CTNND2: variants seen among roughly 807,000 people sequenced by gnomAD.
CTNND2 encodes catenin delta 2.
A neutral mutation model predicts 144.4 loss-of-function variants in CTNND2; 22 were observed. The ratio of observed to expected loss-of-function variants is 0.15; its 90% CI spans 0.11 to 0.22. The LOEUF (loss-of-function observed/expected upper bound fraction) is 0.22, where lower values mean the gene tolerates loss of function less well. Ranked by LOEUF, CTNND2 falls within the 10% of genes least tolerant of loss-of-function variation. CTNND2 has a pLI of 1.00. For synonymous variants in CTNND2, 751 were observed against 695.6 expected (o/e 1.08, Z -1.25); for missense variants, 1,353 against 1,618.8 (o/e 0.84, Z 2.82).
rs547036682 is a variant in CTNND2 at position 11,015,049 on chromosome 5, T to C, written c.3084+2925A>G. Among the ~76,000 whole-genome samples the C allele has an allele frequency of 3.3e-5, 5 of 152,352 alleles. No homozygotes were observed. In the South Asian group the frequency reaches 1.0e-3, roughly 32 times the overall value. On this transcript the variant is annotated intron_variant, in intron 18 of 21. Transcript: ENST00000304623. ...CTTTACCCCTAGTACCTCCTTCCCA[T>C]ATCTTATGTTTTCCTTTGGAACGCT...
chr5:11,476,927 T>C lies in CTNND2; in HGVS notation c.288-64858A>G, dbSNP rs976494328. Among the ~76,000 whole-genome samples the C allele has an allele frequency of 9.9e-5, 15 of 152,188 alleles. 1 individual carries two copies. In the East Asian group the frequency reaches 2.9e-3, roughly 29 times the overall value. On this transcript the variant is annotated intron_variant, in intron 3 of 21. Coordinates refer to ENST00000304623, the MANE Select transcript of CTNND2 (RefSeq NM_001332.4). The stretch of plus-strand genomic sequence containing the variant: ...TAGGTCTCTGTTATCTTTGAATTAT[T>C]TGCCAGAAGTAAAACACCTCCCTTT...
At chr5:11,293,617 T>C (rs1748592872) in intron 9 of CTNND2, among the ~76,000 whole-genome samples, 1 of 151,742 alleles carries the variant, frequency 6.6e-6, no homozygotes, top group Non-Finnish European at 1.5e-5. Context: ...AACATTTCGT[T>C]CACAGTTTAT....
At chr5:11,423,999 G>A (rs1762572536) in intron 3 of CTNND2, among the ~76,000 whole-genome samples, 1 of 152,072 alleles carries the variant, frequency 6.6e-6, no homozygotes, top group Non-Finnish European at 1.5e-5. Context: ...ACAATTTTTT[G>A]TGGTGTTATA....
chr5:11,133,414 G>A lies in CTNND2; in HGVS notation c.2160-15847C>T, dbSNP rs187777728. Among the ~76,000 whole-genome samples the A allele has an allele frequency of 2.8e-4, 42 of 152,068 alleles. 1 individual carries two copies. On this transcript the variant is annotated intron_variant, in intron 12 of 21. Coordinates refer to ENST00000304623, the MANE Select transcript of CTNND2 (RefSeq NM_001332.4). ...GTTGCCCAGGCTGGAGTGCAATGAT[G>A]CGATCTTGGCTCACTGCAACCTCTG...
chr5:11,034,241 A>G (rs566409965), intron 16 of CTNND2, among the ~76,000 whole-genome samples: 4 of 152,226 alleles, frequency 2.6e-5, no homozygotes, highest in Non-Finnish European at 5.9e-5. Flanking sequence ...TAATAATACG[A>G]ATTTTTAAGA....
At chr5:11,656,930 CGTATCATTCAACAAACGCTCTAA>C (rs1246779800) in intron 2 of CTNND2, among the ~76,000 whole-genome samples, 1 of 152,038 alleles carries the variant, frequency 6.6e-6, no homozygotes, top group Non-Finnish European at 1.5e-5. Context: ...TGGCCCTCTG[CGTATCATTCAACAAACGCTCTAA>C]GGGCTTTGAG....
intron 2 of CTNND2, among the ~76,000 whole-genome samples, chr5:11,646,245 A>AGGC (rs1782341736): frequency 6.6e-6 from 1 of 152,194 alleles, no homozygotes; most frequent in African/African-American, 2.4e-5. Flanking sequence ...TGCTGTGCTT[A>AGGC]GAGTCTTATG....
At position 11,385,162 on chromosome 5, in the gene CTNND2, C is replaced by G; in HGVS notation, c.680G>C (p.Arg227Pro). ...EPAPPPPPPP[R>P]EPFAPSLGSA... ...GCCCAGGCTGGGCGCGAACGGCTCCCGCGGCGGCGGCGGCGGCGGCGGCGC... is the reference window on the plus strand; with the variant it reads ...GCCCAGGCTGGGCGCGAACGGCTCCGGCGGCGGCGGCGGCGGCGGCGGCGC... Residue 227 changes from arginine (R) to proline (P), a missense_variant, in exon 7 of 22, where the codon CGG (arginine) becomes CCG (proline). By Grantham distance (103) the Arg-to-Pro change is moderately radical (BLOSUM62 -2). Around this residue, in one of 4 missense-constraint regions of CTNND2, gnomAD observed 708 missense variants for 706.4 expected, o/e 1.00. Coordinates refer to ENST00000304623, the MANE Select transcript of CTNND2 (RefSeq NM_001332.4). 1 of 1,013,284 alleles carries G rather than the reference C, an allele frequency of 9.9e-7. No individual in the cohort carries two copies. Among genetic ancestry groups the G allele is most frequent in the Non-Finnish European group, 1.2e-6 (1 of 851,180 alleles). 62.8% of individuals were successfully genotyped at this position (1,013,284 alleles called of 1,614,324 possible).
At chr5:11,607,815 T>C (rs1176722127) in intron 2 of CTNND2, among the ~76,000 whole-genome samples, 1 of 152,116 alleles carries the variant, frequency 6.6e-6, no homozygotes, top group Non-Finnish European at 1.5e-5. Flanking sequence ...TCAAACCACA[T>C]CCAACTTTAA....
At chr5:10,983,196 G>A (rs1034852540) in intron 20 of CTNND2, among the ~76,000 whole-genome samples, 3 of 151,966 alleles carry the variant, frequency 2.0e-5, no homozygotes, top group Admixed American at 1.3e-4. Context: ...TTAAGGTGAT[G>A]GTATCTCATT....
intron 2 of CTNND2, among the ~76,000 whole-genome samples, chr5:11,667,701 C>T (rs1207725818): frequency 6.6e-6 from 1 of 152,144 alleles, no homozygotes; most frequent in African/African-American, 2.4e-5. Flanking sequence ...AAAATTTTCT[C>T]CCATTCTGTA....
At chr5:11,338,728 G>A (rs1458702616) in intron 9 of CTNND2, among the ~76,000 whole-genome samples, 2 of 152,134 alleles carry the variant, frequency 1.3e-5, no homozygotes, top group Admixed American at 6.5e-5. Context: ...GAATGCAATT[G>A]TTTATTATAA....
At chr5:11,190,455 T>C (rs1736127661) in intron 11 of CTNND2, among the ~76,000 whole-genome samples, 1 of 152,206 alleles carries the variant, frequency 6.6e-6, no homozygotes, top group Non-Finnish European at 1.5e-5. Context: ...TGTGCCATGG[T>C]AGATAAGTCT....
At chr5:11,376,256 C>T (rs1757922227) in intron 7 of CTNND2, among the ~76,000 whole-genome samples, 1 of 151,052 alleles carries the variant, frequency 6.6e-6, no homozygotes, top group African/African-American at 2.5e-5. Flanking sequence ...ATGGAAAAAG[C>T]TGTGGCATTA....
chr5:11,125,593 C>T (rs1248049103), intron 12 of CTNND2, among the ~76,000 whole-genome samples: 2 of 152,326 alleles, frequency 1.3e-5, no homozygotes, highest in Admixed American at 6.5e-5. Context: ...CCACCAGAGA[C>T]CTCCCAGCCC....
At chr5:11,519,899 G>A (rs534395613) in intron 3 of CTNND2, among the ~76,000 whole-genome samples, 199 of 152,130 alleles carry the variant, frequency 1.3e-3, no homozygotes, top group Middle Eastern at 3.4e-3. Context: ...AGCACTTTGG[G>A]AGGCTGACAC....
chr5:11,903,380 C>G lies in CTNND2; in HGVS notation c.37+437G>C. 1 of 1,002,522 alleles carries G rather than the reference C, an allele frequency of 1.0e-6. No individual in the cohort carries two copies. Among genetic ancestry groups the G allele is most frequent in the Non-Finnish European group, 1.2e-6 (1 of 841,638 alleles). The allele number at this position is 1,002,522 out of a possible 1,614,324, so 62.1% of individuals were successfully genotyped here. ...TTTCCATTTTGTTCTAGCCAAACAT[C>G]GTAATGACATTGAACATAAGGGCAA... On this transcript the variant is annotated intron_variant, in intron 1 of 21. Coordinates refer to ENST00000304623, the MANE Select transcript of CTNND2 (RefSeq NM_001332.4). This position sits in a 1 kb window ranked among gnomAD's most constrained non-coding sequence, Gnocchi z 5.4.
intron 2 of CTNND2, among the ~76,000 whole-genome samples, chr5:11,586,957 T>C (rs1778910060): frequency 6.6e-6 from 1 of 152,110 alleles, no homozygotes; most frequent in Non-Finnish European, 1.5e-5. Flanking sequence ...AAAGTAAGTG[T>C]TCAAATTTAA....
chr5:11,253,911 C>T (rs1310391833), intron 9 of CTNND2, among the ~76,000 whole-genome samples: 3 of 152,126 alleles, frequency 2.0e-5, no homozygotes, highest in African/African-American at 4.8e-5. Flanking sequence ...TACAAAACAC[C>T]TATCTTTCTG....
Sources: gnomAD v4.1 joint callset for allele counts (sites outside exome capture counted in the v4.1 genomes callset) on GRCh38, gnomAD v4.1.1 for gene constraint, gnomAD v4.1.1 regional missense constraint, Gnocchi (gnomAD v3.1) non-coding constraint, MANE v1.5 for transcripts, NCBI Gene and HGNC (gene_info 2026-07-23, HGNC 2026-07-21) for gene names.